The following RGS3 variants were observed in gnomAD, a reference collection of about 807,000 sequenced individuals.
RGS3 encodes regulator of G protein signaling 3.
Under a neutral mutation model 132.6 loss-of-function variants are expected in RGS3, and 80 were observed. That is an observed-to-expected ratio of 0.60 (90% CI 0.50 to 0.73). The LOEUF (loss-of-function observed/expected upper bound fraction) is 0.73. Ranked by LOEUF, RGS3 falls within the 30% of genes least tolerant of loss-of-function variation. RGS3 has a pLI of 0.00. For missense variants in RGS3, 1,382 were observed against 1,530.8 expected (o/e 0.90, Z 1.62); for synonymous variants, 598 against 620.6 (o/e 0.96, Z 0.54).
intron 6 of RGS3, 22 bp from the exon 5 acceptor site, chr9:113,485,603 G>C: frequency 6.3e-7 from 1 of 1,581,252 alleles, no homozygotes; most frequent in Non-Finnish European, 8.6e-7. Context: ...CTAACACTCC[G>C]ATGGTCTGAT....
intron 7 of RGS3, among the ~76,000 whole-genome samples, chr9:113,494,771 G>A (rs1830631304): frequency 6.6e-6 from 1 of 152,168 alleles, no homozygotes; most frequent in South Asian, 2.1e-4. Flanking sequence ...ACTGCACCTG[G>A]CCCATGCCAT....
At chr9:113,583,792 C>G in exon 20 of RGS3, 1 of 1,614,210 alleles carries the variant, frequency 6.2e-7, no homozygotes. Context: ...TCACCAGGAC[C>G]CTCTACTCAC....
chr9:113,503,696 G>A lies in RGS3; in HGVS notation c.898-1746G>A, dbSNP rs569618609. Among the ~76,000 whole-genome samples the A allele has an allele frequency of 3.3e-5, 5 of 152,336 alleles. No individual in the cohort carries two copies. The East Asian group carries it at 7.7e-4, about 24-fold the overall frequency. On this transcript the variant is annotated intron_variant, in intron 10 of 24. Coordinates refer to ENST00000350696, the Ensembl canonical transcript of RGS3. ...TATGCAGGGGGCTTTGGCCCTGGAT[G>A]GGGTAGGGGTGGGGAAGTGCTGGAT... is the stretch of plus-strand genomic sequence containing the variant.
At chr9:113,498,203 A>G (rs1405512751) in intron 10 of RGS3, 123 bp downstream of exon 8, 7 of 752,648 alleles carry the variant, frequency 9.3e-6, no homozygotes, top group Admixed American at 5.0e-5. Context: ...TCATGTACTC[A>G]GAAGGAATAA....
chr9:113,495,948 GA>G, intron 8 of RGS3, 102 bp downstream of exon 6: 1 of 1,032,374 alleles, frequency 9.7e-7, no homozygotes, highest in Admixed American at 1.7e-5. Flanking sequence ...CTCTCTGTGA[GA>G]TGGTGCCCCA....
chr9:113,502,702 A>C (rs7856515), intron 10 of RGS3, among the ~76,000 whole-genome samples: 15,508 of 152,166 alleles, frequency 0.1, 891 homozygotes, highest in African/African-American at 0.13. Flanking sequence ...TGGCTGTCAG[A>C]GTGGGGCCAG....
At chr9:113,508,422 T>C (rs1831240592) in intron 13 of RGS3, 119 bp from the exon 12 acceptor site, 3 of 961,438 alleles carry the variant, frequency 3.1e-6, no homozygotes, top group Non-Finnish European at 4.9e-6. Flanking sequence ...CTGCTGTTTT[T>C]CTCTTGTGCC....
intron 10 of RGS3, among the ~76,000 whole-genome samples, chr9:113,500,745 TG>T (rs1268417672): frequency 6.6e-6 from 1 of 151,258 alleles, no homozygotes. Context: ...TGGAGTACCG[TG>T]GCATGATCTC....
chr9:113,472,482 C>T (rs1829865189), intron 3 of RGS3, among the ~76,000 whole-genome samples: 1 of 152,086 alleles, frequency 6.6e-6, no homozygotes, highest in African/African-American at 2.4e-5. Flanking sequence ...TATGGGTGAA[C>T]CTTGAAAACA....
intron 19 of RGS3, among the ~76,000 whole-genome samples, chr9:113,545,271 A>AG (rs940912606): frequency 2.2e-4 from 34 of 152,354 alleles, no homozygotes; most frequent in African/African-American, 7.5e-4. Flanking sequence ...AAGTACTGGA[A>AG]GGAGGCCTTT....
chr9:113,526,207 G>A (rs1292999594), intron 17 of RGS3, among the ~76,000 whole-genome samples: 1 of 152,222 alleles, frequency 6.6e-6, no homozygotes, highest in Non-Finnish European at 1.5e-5. Context: ...TGATTATTAG[G>A]CTCTCCAGTC....
At chr9:113,520,649 TC>T (rs1831906455) in intron 16 of RGS3, among the ~76,000 whole-genome samples, 2 of 151,690 alleles carry the variant, frequency 1.3e-5, no homozygotes, top group African/African-American at 4.8e-5. Flanking sequence ...CTACCAGATT[TC>T]CCTTGAGTCA....
At chr9:113,526,979 C>T (rs1184686058) in intron 17 of RGS3, among the ~76,000 whole-genome samples, 1 of 152,198 alleles carries the variant, frequency 6.6e-6, no homozygotes, top group Non-Finnish European at 1.5e-5. Flanking sequence ...TCTCCGGCAC[C>T]CTTGGCTTCC....
At position 113,463,644 on chromosome 9, in the gene RGS3, C is replaced by T. The variant is rs1440521768; in HGVS notation, c.415+1443C>T. ...GTGGAACTCTCCCCATTCAAACCCG[C>T]GCGGGCCAATCAGGGCCGGGCGCGC... On this transcript the variant is annotated intron_variant, in intron 3 of 24. Coordinates refer to ENST00000350696, the Ensembl canonical transcript of RGS3. The surrounding 1 kb of genome is among the most constrained non-coding windows in gnomAD (Gnocchi z 4.6). 5.8e-5 allele frequency: 79 copies of T among 1,352,730 alleles called. No homozygotes were observed. The highest frequency in any genetic ancestry group is 7.5e-5 in the Non-Finnish European group (79 of 1,047,444). The allele number at this position is 1,352,730 out of a possible 1,614,324, so 83.8% of individuals were successfully genotyped here.
chr9:113,499,828 CAT>C (rs956090562), intron 10 of RGS3, among the ~76,000 whole-genome samples: 49 of 152,212 alleles, frequency 3.2e-4, no homozygotes, highest in African/African-American at 1.1e-3. Context: ...TTACCTGGCA[CAT>C]GTGTCTAGCT....
At position 113,506,787 on chromosome 9, in the gene RGS3, A is replaced by G. The variant is rs998154762; in HGVS notation, c.1085+294A>G. On this transcript the variant is annotated intron_variant, in intron 12 of 24. Coordinates refer to ENST00000350696, the Ensembl canonical transcript of RGS3. This position sits in a 1 kb window ranked among gnomAD's most constrained non-coding sequence, Gnocchi z 4.7. ...TGCTTTAGCTAATTTTTGTTACCTA[A>G]GAGCTAAGCCCATTTGTTATTTAAG... is the stretch of plus-strand genomic sequence containing the variant. Among the ~76,000 whole-genome samples the G allele has an allele frequency of 5.9e-5, 9 of 152,338 alleles. No individual in the cohort carries two copies. The highest frequency in any genetic ancestry group is 1.7e-4 in the African/African-American group (7 of 41,568).
intron 1 of RGS3, among the ~76,000 whole-genome samples, chr9:113,447,942 C>T (rs752325560): frequency 2.3e-4 from 35 of 151,568 alleles, no homozygotes; most frequent in African/African-American, 7.3e-4. Flanking sequence ...ACTGCAGCCT[C>T]GACCTCCTGG....
At chr9:113,550,277 C>T (rs1464360271) in intron 19 of RGS3, among the ~76,000 whole-genome samples, 1 of 152,128 alleles carries the variant, frequency 6.6e-6, no homozygotes, top group East Asian at 1.9e-4. Flanking sequence ...GTGGGAGAAT[C>T]GCTTGAACTT....
chr9:113,533,792 A>C (rs957573262), intron 18 of RGS3, among the ~76,000 whole-genome samples: 6 of 152,172 alleles, frequency 3.9e-5, no homozygotes, highest in African/African-American at 1.4e-4. Context: ...CACTGGAGAC[A>C]GGGAGCAGAG....
Sources: allele counts gnomAD v4.1 joint callset (sites outside exome capture counted in the v4.1 genomes callset), GRCh38; gene constraint gnomAD v4.1.1; non-coding constraint Gnocchi (gnomAD v3.1); transcripts MANE v1.5; gene names NCBI Gene and HGNC (gene_info 2026-07-23, HGNC 2026-07-21).